TTC16: variants seen among roughly 807,000 people sequenced by gnomAD.
The protein encoded by TTC16 is tetratricopeptide repeat domain 16.
In TTC16, 66 loss-of-function variants were observed where a neutral mutation model predicts 80.4. The ratio of observed to expected loss-of-function variants is 0.82; its 90% CI spans 0.67 to 1.01. The LOEUF is 1.01. TTC16 is among the 50% of genes least tolerant of loss of function. TTC16 has a pLI of 0.00. For missense variants in TTC16, 1,070 were observed against 1,103.2 expected (o/e 0.97, Z 0.43); for synonymous variants, 438 against 451.3 (o/e 0.97, Z 0.37).
At position 127,727,304 on chromosome 9, in the gene TTC16, G is replaced by T. The variant is rs933154583; in HGVS notation, c.1603G>T (p.Ala535Ser). Residue 535 changes from alanine to serine, a missense_variant, in exon 12 of 14, where the codon GCC becomes TCC. By Grantham distance (99) the Ala-to-Ser change is moderately conservative. Coordinates refer to ENST00000373289, the MANE Select transcript of TTC16 (RefSeq NM_144965.3). ...LKRHELERQK[A>S]LALQHSWKQG... ...ACGGCACGAGTTGGAGCGCCAGAAGGCCTTGGCCCTGCAGCACTCATGGAA... is the reference window on the plus strand; with the variant it reads ...ACGGCACGAGTTGGAGCGCCAGAAGTCCTTGGCCCTGCAGCACTCATGGAA... 2 of 1,585,030 alleles carry T rather than the reference G, an allele frequency of 1.3e-6. No individual in the cohort carries two copies. Among genetic ancestry groups the T allele is most frequent in the African/African-American group, 2.7e-5 (2 of 73,676 alleles).
At chr9:127,717,304 C>A in intron 2 of TTC16, 30 bp from the exon 3 acceptor site, 1 of 1,597,302 alleles carries the variant, frequency 6.3e-7, no homozygotes, top group Non-Finnish European at 8.5e-7. Context: ...GTCAGGGCCA[C>A]CCCTCTGCCT....
chr9:127,730,302 G>A (rs969456357), intron 13 of TTC16: 20 of 382,122 alleles, frequency 5.2e-5, no homozygotes, highest in African/African-American at 2.0e-4. Context: ...TAGTGGGGAC[G>A]AGGATGGAAA....
chr9:127,719,155 G>A (rs1461351560), intron 4 of TTC16, among the ~76,000 whole-genome samples: 1 of 151,416 alleles, frequency 6.6e-6, no homozygotes, highest in Non-Finnish European at 1.5e-5. Context: ...AGGTTGCAGT[G>A]AGCCAAGATC....
chr9:127,720,420 G>GC, intron 6 of TTC16, 25 bp downstream of exon 6: 14 of 1,141,682 alleles, frequency 1.2e-5, no homozygotes, highest in Non-Finnish European at 1.7e-5. Flanking sequence ...GCGGGCAGGG[G>GC]CATGCCCCCC....
chr9:127,722,405 G>C lies in TTC16; in HGVS notation c.658-714G>C, dbSNP rs1219116702. On this transcript the variant is annotated intron_variant, in intron 6 of 13. Transcript: ENST00000373289. The surrounding 1 kb of genome is among the most constrained non-coding windows in gnomAD (Gnocchi z 4.2). ...TGTACCCAGGCCCGAATCTGGGCTT[G>C]GGCAGAGGAGTCTTGGGCTCAAAGG... 6.6e-6 allele frequency among the ~76,000 whole-genome samples: 1 copy of C among 152,174 alleles called. No homozygotes were observed. Among genetic ancestry groups the C allele is most frequent in the Non-Finnish European group, 1.5e-5 (1 of 68,024 alleles).
At position 127,720,144 on chromosome 9, in the gene TTC16, C is replaced by T; in HGVS notation, c.493C>T (p.Leu165Phe). ...ALNVFSHAAELQPEKPCFRYR... is the reference protein window; with the variant it reads ...ALNVFSHAAEFQPEKPCFRYR... ...GAATGTCTTCTCACATGCTGCTGAGCTCCAGCCTGAGAAACCATGCTTCCG... is the reference window on the plus strand; with the variant it reads ...GAATGTCTTCTCACATGCTGCTGAGTTCCAGCCTGAGAAACCATGCTTCCG... Residue 165 changes from leucine (L) to phenylalanine (F), a missense_variant, in exon 5 of 14, where the codon CTC becomes TTC. Physicochemically the swap from Leu to Phe is conservative, Grantham distance 22 (BLOSUM62 0). Coordinates refer to ENST00000373289, the MANE Select transcript of TTC16 (RefSeq NM_144965.3). The T allele has an allele frequency of 1.2e-6, 2 of 1,613,900 alleles. No individual in the cohort carries two copies. Among genetic ancestry groups the T allele is most frequent in the Non-Finnish European group, 1.7e-6 (2 of 1,180,004 alleles).
At position 127,718,603 on chromosome 9, in the gene TTC16, T is replaced by G. The variant is rs971887051; in HGVS notation, c.426+831T>G. Among the ~76,000 whole-genome samples, 1 of 151,562 alleles carries G rather than the reference T, an allele frequency of 6.6e-6. No homozygotes were observed. Among genetic ancestry groups the G allele is most frequent in the Admixed American group, 6.6e-5 (1 of 15,252 alleles). On this transcript the variant is annotated intron_variant, in intron 4 of 13. Coordinates refer to ENST00000373289, the MANE Select transcript of TTC16 (RefSeq NM_144965.3). The surrounding 1 kb of genome is among the most constrained non-coding windows in gnomAD (Gnocchi z 4.6). ...CATTTTGATAACCTTGATGTCTTTT[T>G]TTTTTTTCTGAGATGGAGTCTTGCT...
intron 6 of TTC16, among the ~76,000 whole-genome samples, chr9:127,721,857 G>C (rs1843539167): frequency 6.6e-6 from 1 of 151,962 alleles, no homozygotes; most frequent in Admixed American, 6.6e-5. Flanking sequence ...CGCCTGCCCA[G>C]CTAATTTTTG....
intron 10 of TTC16, among the ~76,000 whole-genome samples, 183 bp from the exon 11 acceptor site, chr9:127,726,787 C>CAA (rs55676226): frequency 4.6e-4 from 59 of 127,368 alleles, no homozygotes; most frequent in East Asian, 1.0e-3. Flanking sequence ...GACTCTGTCT[C>CAA]AAAAAAAAAA....
chr9:127,717,522 C>G, intron 3 of TTC16, 98 bp downstream of exon 3: 1 of 1,574,426 alleles, frequency 6.4e-7, no homozygotes, highest in Non-Finnish European at 8.6e-7. Context: ...GCCACCAAGT[C>G]CCTGATGGGA....
At chr9:127,729,813 G>A (rs1844251294) in intron 13 of TTC16, 145 bp downstream of exon 13, 1 of 680,966 alleles carries the variant, frequency 1.5e-6, no homozygotes. Context: ...CTCTAGAGCG[G>A]GAGTAACACT....
In TTC16 at chr9:127,730,720, C is replaced by A. The variant is rs746630717; in HGVS notation, c.1937C>A (p.Ser646Tyr). 21 of 1,613,450 alleles carry A rather than the reference C, an allele frequency of 1.3e-5. No homozygotes were observed. Among genetic ancestry groups the A allele is most frequent in the Non-Finnish European group, 1.6e-5 (19 of 1,180,050 alleles). The change falls in exon 14 of 14, where the codon TCT becomes TAT. Residue 646 changes from serine (S) to tyrosine (Y), a missense_variant. Transcript: ENST00000373289. ...ACCTCAGCCACCGCCGTGACATTCT[C>A]TGACTCGTCACTGTTGAAGACGCAA... ...RSTSATAVTF[S>Y]DSSLLKTQSS...
Position 127,731,122 on chromosome 9 carries a change from G to T in TTC16, c.2339G>T (p.Gly780Val). 6.2e-7 allele frequency: 1 copy of T among 1,611,534 alleles called. No homozygotes were observed. The highest frequency in any genetic ancestry group is 8.5e-7 in the Non-Finnish European group (1 of 1,179,314). ...QRPRKVKAAR[G>V]RSWRPSKVDA... ...CCCAGAAAGGTCAAGGCTGCTCGTG[G>T]CCGGAGCTGGAGACCCAGCAAGGTT... The change falls in exon 14 of 14, where the codon GGC (glycine) becomes GTC (valine). Residue 780 changes from glycine to valine, a missense_variant. Physicochemically the swap from Gly to Val is moderately radical, Grantham distance 109 (BLOSUM62 -3). Transcript: ENST00000373289.
chr9:127,720,071 TC>T lies in TTC16; in HGVS notation c.427-3del. ...CAAGCAGAATTGACTGTCCCCTGTG[TC>T]CCCAGGGACAATGCCTTTTTGAGCA... On this transcript the variant is annotated splice_polypyrimidine_tract_variant and splice_region_variant and intron_variant, in intron 4 of 13. Coordinates refer to ENST00000373289, the MANE Select transcript of TTC16 (RefSeq NM_144965.3). 6.2e-7 allele frequency: 1 copy of T among 1,613,386 alleles called. No individual in the cohort carries two copies. Among genetic ancestry groups the T allele is most frequent in the South Asian group, 1.1e-5 (1 of 91,066 alleles).
intron 6 of TTC16, 57 bp from the exon 7 acceptor site, chr9:127,723,062 C>T (rs1466736806): frequency 1.3e-6 from 2 of 1,579,200 alleles, no homozygotes; most frequent in African/African-American, 2.7e-5. Flanking sequence ...AGAAAGGCCT[C>T]TAGGTCCCGT....
chr9:127,717,379 A>T lies in TTC16; in HGVS notation c.237A>T (p.Thr79=). ...QQCLEQADWE[T]AVLLFSRALH... is the part of the protein sequence containing the mutation. Reference sequence around the variant, plus strand: ...GCTTGGAGCAGGCAGACTGGGAGACAGCTGTGCTGCTCTTCTCCCGCGCAC... The same window carrying T: ...GCTTGGAGCAGGCAGACTGGGAGACTGCTGTGCTGCTCTTCTCCCGCGCAC... Residue 79 remains threonine (T), a synonymous_variant, in exon 3 of 14, where the codon ACA becomes ACT. Transcript: ENST00000373289. 6.2e-7 allele frequency: 1 copy of T among 1,613,092 alleles called. No individual in the cohort carries two copies. Among genetic ancestry groups the T allele is most frequent in the Non-Finnish European group, 8.5e-7 (1 of 1,180,020 alleles).
intron 2 of TTC16, 54 bp from the exon 3 acceptor site, chr9:127,717,280 T>C: frequency 1.3e-6 from 2 of 1,551,776 alleles, no homozygotes; most frequent in Non-Finnish European, 1.8e-6. Flanking sequence ...CCCTATGCCC[T>C]GGGCTGGTCC....
chr9:127,724,106 G>GT lies in TTC16; in HGVS notation c.873-14_873-13insT. The GT allele has an allele frequency of 6.4e-7, 1 of 1,566,264 alleles. No individual in the cohort carries two copies. The highest frequency in any genetic ancestry group is 1.2e-5 in the South Asian group (1 of 85,618). On this transcript the variant is annotated splice_polypyrimidine_tract_variant and intron_variant, in intron 7 of 13. Transcript: ENST00000373289. Reference sequence around the variant, plus strand: ...TCATGTCCCTCCTGCCGTCTCCCACGCCCCCCCCGACAGGGGCACCATGTA... The same window carrying GT: ...TCATGTCCCTCCTGCCGTCTCCCACGTCCCCCCCCGACAGGGGCACCATGTA...
In TTC16 at chr9:127,720,086, C is replaced by G. The variant is rs372378110; in HGVS notation, c.435C>G (p.Cys145Trp). 22 of 1,613,558 alleles carry G rather than the reference C, an allele frequency of 1.4e-5. No individual in the cohort carries two copies. The highest frequency in any genetic ancestry group is 1.7e-5 in the Non-Finnish European group (20 of 1,179,972). The change falls in exon 5 of 14, where the codon TGC becomes TGG. Residue 145 changes from cysteine to tryptophan, a missense_variant. Physicochemically the swap from Cys to Trp is radical, Grantham distance 215 (BLOSUM62 -2). Transcript: ENST00000373289. ...LTFVLYLQGQ[C>W]LFEQCAFLDA... ...GTCCCCTGTGTCCCCAGGGACAATG[C>G]CTTTTTGAGCAGTGTGCCTTCCTGG...
Sources: gnomAD v4.1 joint callset for allele counts (sites outside exome capture counted in the v4.1 genomes callset) on GRCh38, gnomAD v4.1.1 for gene constraint, Gnocchi (gnomAD v3.1) non-coding constraint, MANE v1.5 for transcripts, NCBI Gene and HGNC (gene_info 2026-07-23, HGNC 2026-07-21) for gene names.